The following MID1 variants were observed in gnomAD, a reference collection of about 807,000 sequenced individuals.
MID1 encodes the protein midline 1.
A neutral mutation model predicts 40.4 loss-of-function variants in MID1; 7 were observed. That is an observed-to-expected ratio of 0.17 (90% CI 0.10 to 0.33). The LOEUF is 0.33. MID1 is among the 10% of genes least tolerant of loss of function. The pLI, the probability that MID1 is intolerant of heterozygous loss-of-function variation, is 1.00. For missense variants in MID1, 367 were observed against 558.5 expected (o/e 0.66, Z 3.46); for synonymous variants, 229 against 221.2 (o/e 1.04, Z -0.31).
chrX:10,516,134 A>G (rs912653067), intron 3 of MID1, among the ~76,000 whole-genome samples: 1 of 106,620 alleles, frequency 9.4e-6, no homozygotes, highest in African/African-American at 3.5e-5. Flanking sequence ...TTGAAAACCC[A>G]TTAGTTTTTA....
intron 3 of MID1, among the ~76,000 whole-genome samples, chrX:10,522,621 G>C (rs1462489746): frequency 9.0e-6 from 1 of 111,403 alleles, no homozygotes; most frequent in African/African-American, 3.3e-5. Context: ...CTCCGCCTCT[G>C]GAGTAGCTGG....
chrX:10,468,754 G>A (rs1248857638), intron 7 of MID1, among the ~76,000 whole-genome samples: 1 of 111,448 alleles, frequency 9.0e-6, no homozygotes, highest in African/African-American at 3.3e-5. Flanking sequence ...AGTGAGAGGG[G>A]GCACCTCTAA....
intron 2 of MID1, among the ~76,000 whole-genome samples, chrX:10,539,350 A>G (rs369093881): frequency 4.5e-5 from 5 of 111,805 alleles, no homozygotes; most frequent in African/African-American, 1.6e-4. Flanking sequence ...TCTCCCTATA[A>G]CAAAGCTCAC....
chrX:10,796,505 G>C (rs1176597572), intron 1 of MID1, among the ~76,000 whole-genome samples: 1 of 106,007 alleles, frequency 9.4e-6, no homozygotes, highest in Non-Finnish European at 1.9e-5. Context: ...TTGGGCCAAA[G>C]AGAAAAACAG....
chrX:10,580,252 T>C (rs1280877298), intron 1 of MID1, among the ~76,000 whole-genome samples: 3 of 106,684 alleles, frequency 2.8e-5, no homozygotes, highest in Non-Finnish European at 5.8e-5. Context: ...TCTATGTTTT[T>C]CTCTTTGTAA....
intron 1 of MID1, among the ~76,000 whole-genome samples, chrX:10,776,050 T>C (rs963122083): frequency 2.7e-5 from 3 of 111,647 alleles, no homozygotes; most frequent in African/African-American, 9.8e-5. Context: ...TCCATCAGCA[T>C]GAAGAGAGGT....
intron 7 of MID1, among the ~76,000 whole-genome samples, chrX:10,460,748 G>C (rs756441420): frequency 1.4e-4 from 15 of 110,866 alleles, no homozygotes; most frequent in African/African-American, 2.0e-4. Context: ...CAAGTCAAAG[G>C]GTTAGTTCCT....
At chrX:10,465,813 A>C (rs1270920572) in intron 7 of MID1, among the ~76,000 whole-genome samples, 1 of 111,870 alleles carries the variant, frequency 8.9e-6, no homozygotes, top group Admixed American at 9.5e-5. Flanking sequence ...AGACTGTGAC[A>C]CCCTAAGAAG....
chrX:10,825,399 G>A (rs1264259240), intron 1 of MID1, among the ~76,000 whole-genome samples: 3 of 111,992 alleles, frequency 2.7e-5, no homozygotes, highest in Non-Finnish European at 5.6e-5. Context: ...AAAGGAATTC[G>A]CTGAGGTCAC....
chrX:10,729,549 G>A (rs778750714), intron 1 of MID1, among the ~76,000 whole-genome samples: 51 of 111,237 alleles, frequency 4.6e-4, no homozygotes, highest in Non-Finnish European at 8.1e-4. Flanking sequence ...TAATAATGAA[G>A]CCTCATCCAG....
chrX:10,705,193 C>T (rs767828656), intron 1 of MID1, among the ~76,000 whole-genome samples: 1 of 112,433 alleles, frequency 8.9e-6, no homozygotes, highest in African/African-American at 3.2e-5. Flanking sequence ...TTTGCTAAAC[C>T]TTGTTAAACA....
intron 1 of MID1, among the ~76,000 whole-genome samples, chrX:10,817,623 CTTTT>C (rs749401235): frequency 1.3e-4 from 5 of 37,286 alleles, no homozygotes; most frequent in African/African-American, 3.6e-4. Flanking sequence ...TTTCTTTCTT[CTTTT>C]TTTTTTTTTT....
chrX:10,656,984 C>T (rs1229075139), intron 1 of MID1, among the ~76,000 whole-genome samples: 1 of 110,771 alleles, frequency 9.0e-6, no homozygotes, highest in African/African-American at 3.3e-5. Flanking sequence ...CCAGTCTCTA[C>T]AATTTTTTTA....
intron 1 of MID1, among the ~76,000 whole-genome samples, chrX:10,587,452 G>A (rs781624202): frequency 3.5e-5 from 4 of 112,908 alleles, no homozygotes; most frequent in African/African-American, 6.4e-5. Context: ...GGGCTGACCC[G>A]CAGGGTGCCG....
At chrX:10,751,669 G>T (rs1183112097) in intron 1 of MID1, among the ~76,000 whole-genome samples, 2 of 111,199 alleles carry the variant, frequency 1.8e-5, no homozygotes, top group Admixed American at 1.9e-4. Flanking sequence ...ACCACAAAAG[G>T]GTCTTCATTG....
intron 2 of MID1, among the ~76,000 whole-genome samples, chrX:10,553,246 TAA>T (rs373497163): frequency 1.1e-5 from 1 of 89,264 alleles, no homozygotes. Flanking sequence ...AGACTCTATC[TAA>T]AAAAAAAAAA....
intron 1 of MID1, among the ~76,000 whole-genome samples, chrX:10,751,190 A>G (rs1005625585): frequency 9.1e-6 from 1 of 110,003 alleles, no homozygotes; most frequent in Non-Finnish European, 1.9e-5. Context: ...AATTGAACCC[A>G]GGAGGCGGAG....
chrX:10,538,169 C>T (rs768522272), intron 2 of MID1, among the ~76,000 whole-genome samples: 19 of 110,856 alleles, frequency 1.7e-4, no homozygotes, highest in South Asian at 3.9e-4. Flanking sequence ...GACGAGGTTT[C>T]GCCATGTTGC....
chrX:10,618,262 C>T (rs1335870670), intron 1 of MID1, among the ~76,000 whole-genome samples: 1 of 112,081 alleles, frequency 8.9e-6, no homozygotes, highest in Non-Finnish European at 1.9e-5. Context: ...CTGGAGCTGC[C>T]GGGCTGAGAT....
Sources: gnomAD v4.1 joint callset for allele counts (sites outside exome capture counted in the v4.1 genomes callset) on GRCh38, gnomAD v4.1.1 for gene constraint, MANE v1.5 for transcripts, NCBI Gene and HGNC (gene_info 2026-07-23, HGNC 2026-07-21) for gene names.